PSMD1: variants seen among roughly 807,000 people sequenced by gnomAD.
PSMD1 encodes proteasome 26S subunit, non-ATPase 1, also known as 26S proteasome non-ATPase regulatory subunit 1.
In PSMD1, 18 loss-of-function variants were observed where a neutral mutation model predicts 119.0. The ratio of observed to expected loss-of-function variants is 0.15; its 90% CI spans 0.10 to 0.22. The LOEUF is 0.22. Ranked by LOEUF, PSMD1 falls within the 10% of genes least tolerant of loss-of-function variation. PSMD1 has a pLI of 1.00. For missense variants in PSMD1, 702 were observed against 1,158.5 expected (o/e 0.61, Z 5.72); for synonymous variants, 374 against 396.6 (o/e 0.94, Z 0.68).
At chr2:231,061,161 G>T in intron 1 of PSMD1, 106 bp from the exon 2 acceptor site, 1 of 728,512 alleles carries the variant, frequency 1.4e-6, no homozygotes, top group Non-Finnish European at 2.3e-6. Flanking sequence ...GAGAAGTTAC[G>T]CCTCAAAAAA....
Position 231,078,743 on chromosome 2 carries a change from CT to C in PSMD1, c.1158del (p.Arg387GlufsTer7). The C allele has an allele frequency of 6.9e-7, 1 of 1,449,542 alleles. No individual in the cohort carries two copies. Among genetic ancestry groups the C allele is most frequent in the Non-Finnish European group, 9.3e-7 (1 of 1,070,714 alleles). The allele number at this position is 1,449,542 out of a possible 1,614,324, so 89.8% of individuals were successfully genotyped here. A position where few individuals can be genotyped will look rare whatever the true frequency, so the allele number is the denominator to read the frequency against. On this transcript the variant is annotated frameshift_variant, in exon 10 of 25. Transcript: ENST00000308696. LOFTEE classifies it high-confidence loss of function. ...CTGTGGGACAACCAGTGACCAGTTT[CT>C]TAGGTAAATATGCTTGTTGATTTTC... The part of the protein sequence containing the change: ...MHCGTTSDQF[L>X]RDNLEWLARA...
intron 16 of PSMD1, among the ~76,000 whole-genome samples, chr2:231,097,468 C>T (rs528257726): frequency 1.3e-5 from 2 of 152,282 alleles, no homozygotes; most frequent in African/African-American, 4.8e-5. Flanking sequence ...TTAATCATGA[C>T]ACAAACTCCT....
intron 16 of PSMD1, among the ~76,000 whole-genome samples, chr2:231,101,024 G>A (rs1694853931): frequency 1.3e-5 from 2 of 152,242 alleles, no homozygotes; most frequent in South Asian, 4.1e-4. Flanking sequence ...TGGATATCCA[G>A]TGAAAGAGCA....
At chr2:231,158,564 A>G (rs1696562728) in intron 19 of PSMD1, among the ~76,000 whole-genome samples, 1 of 152,208 alleles carries the variant, frequency 6.6e-6, no homozygotes. Context: ...AAGAAGATAG[A>G]TTTCATTGAA....
intron 16 of PSMD1, chr2:231,123,428 A>G (rs1695615334): frequency 1.9e-6 from 3 of 1,613,506 alleles, no homozygotes; most frequent in Non-Finnish European, 2.5e-6. Context: ...ATTATTGTCA[A>G]GAGGGCAATT....
intron 16 of PSMD1, among the ~76,000 whole-genome samples, chr2:231,109,832 A>G (rs553012576): frequency 1.3e-5 from 2 of 152,268 alleles, no homozygotes; most frequent in Non-Finnish European, 2.9e-5. Context: ...CATTTATTCA[A>G]TATCTTTACT....
At chr2:231,153,867 A>T (rs894053708) in intron 19 of PSMD1, among the ~76,000 whole-genome samples, 2 of 152,174 alleles carry the variant, frequency 1.3e-5, no homozygotes, top group Non-Finnish European at 2.9e-5. Context: ...TAATCCCAGC[A>T]CTTTGGGAGG....
At chr2:231,084,228 T>G (rs1021981443) in intron 14 of PSMD1, among the ~76,000 whole-genome samples, 1 of 152,056 alleles carries the variant, frequency 6.6e-6, no homozygotes, top group Non-Finnish European at 1.5e-5. Flanking sequence ...GGCGGACACC[T>G]GTAATCCCAG....
At chr2:231,094,832 G>C (rs1241771150) in intron 16 of PSMD1, among the ~76,000 whole-genome samples, 1 of 152,214 alleles carries the variant, frequency 6.6e-6, no homozygotes, top group African/African-American at 2.4e-5. Flanking sequence ...CTATTTGCAG[G>C]TCTAGAGATA....
chr2:231,123,864 A>G (rs1362535736), intron 16 of PSMD1: 3 of 985,492 alleles, frequency 3.0e-6, no homozygotes, highest in African/African-American at 1.6e-5. Context: ...AACCATGCCA[A>G]ACACTCAAAA....
intron 12 of PSMD1, among the ~76,000 whole-genome samples, chr2:231,082,271 G>T (rs1694326814): frequency 6.6e-6 from 1 of 152,044 alleles, no homozygotes; most frequent in Non-Finnish European, 1.5e-5. Flanking sequence ...TCCCTATGTT[G>T]CCCAGGCTGG....
chr2:231,084,875 A>C (rs1374841208), intron 14 of PSMD1, 144 bp from the exon 15 acceptor site: 2 of 632,826 alleles, frequency 3.2e-6, no homozygotes, highest in East Asian at 5.8e-5. Context: ...TTTATTTCAA[A>C]AACTACCAAC....
At chr2:231,150,012 A>G (rs1329135575) in intron 18 of PSMD1, among the ~76,000 whole-genome samples, 1 of 152,180 alleles carries the variant, frequency 6.6e-6, no homozygotes, top group Non-Finnish European at 1.5e-5. Flanking sequence ...TAGGAAAAAA[A>G]TTAGACGCTA....
chr2:231,059,124 C>T (rs927165375), intron 1 of PSMD1, among the ~76,000 whole-genome samples: 1 of 152,202 alleles, frequency 6.6e-6, no homozygotes, highest in South Asian at 2.1e-4. Context: ...GCGGAAAAAG[C>T]ACTTGGTGAC....
At chr2:231,120,854 A>G (rs1366697274) in intron 16 of PSMD1, among the ~76,000 whole-genome samples, 2 of 152,236 alleles carry the variant, frequency 1.3e-5, no homozygotes, top group Non-Finnish European at 2.9e-5. Flanking sequence ...TTAACACTAC[A>G]ATAAGAGTGT....
chr2:231,064,344 G>T (rs779714167), intron 4 of PSMD1, among the ~76,000 whole-genome samples: 1 of 152,186 alleles, frequency 6.6e-6, no homozygotes, highest in Non-Finnish European at 1.5e-5. Context: ...TCCAAGTTAT[G>T]ACAAGGCTTT....
chr2:231,167,813 T>C (rs1696822902), intron 23 of PSMD1, among the ~76,000 whole-genome samples: 1 of 152,216 alleles, frequency 6.6e-6, no homozygotes, highest in South Asian at 2.1e-4. Context: ...GACAACCTAA[T>C]TTTAAAACAG....
chr2:231,120,826 C>T (rs1695516037), intron 16 of PSMD1, among the ~76,000 whole-genome samples: 1 of 152,118 alleles, frequency 6.6e-6, no homozygotes, highest in South Asian at 2.1e-4. Context: ...TTTGTACAAA[C>T]GTTAGAAGTC....
intron 1 of PSMD1, among the ~76,000 whole-genome samples, chr2:231,060,611 A>G (rs1179351039): frequency 1.3e-5 from 2 of 152,230 alleles, no homozygotes; most frequent in Non-Finnish European, 2.9e-5. Flanking sequence ...TGAGGCTAAG[A>G]GAAGCCATAT....
Sources: allele counts gnomAD v4.1 joint callset (sites outside exome capture counted in the v4.1 genomes callset), GRCh38; gene constraint gnomAD v4.1.1; transcripts MANE v1.5; gene names NCBI Gene and HGNC (gene_info 2026-07-23, HGNC 2026-07-21).